USH2A: variants seen among roughly 807,000 people sequenced by gnomAD.
USH2A encodes the protein usherin.
In USH2A, 443 loss-of-function variants were observed where a neutral mutation model predicts 538.9. The ratio of observed to expected loss-of-function variants is 0.82; its 90% CI spans 0.76 to 0.89. The LOEUF (loss-of-function observed/expected upper bound fraction) is 0.89. Ranked by LOEUF, USH2A falls within the 40% of genes least tolerant of loss-of-function variation. USH2A has a pLI of 0.00. For synonymous variants in USH2A, 2,413 were observed against 2,273.5 expected, an observed-to-expected ratio of 1.06 and a Z score of -1.75; for missense variants, 6,633 against 6,324.8, an observed-to-expected ratio of 1.05 and a Z score of -1.65.
Position 215,786,848 on chromosome 1 carries a change from G to T in USH2A, c.10209C>A (p.Cys3403Ter), listed in dbSNP as rs767613433. ...GTTCTGTGGCTTCCATAGATGCTGG[G>T]CAGAGGATCCTGCACTCTTTGGTTT... ...MKETKECRIL[C>*]PASMEATEHC... is the part of the protein sequence containing the mutation. Residue 3403 changes from cysteine to a stop codon, truncating the protein, a stop_gained, in exon 52 of 72, where the codon TGC (cysteine) becomes TGA (stop). Transcript: ENST00000307340. LOFTEE classifies it high-confidence loss of function. 1.2e-6 allele frequency: 2 copies of T among 1,613,908 alleles called. No homozygotes were observed. The highest frequency in any genetic ancestry group is 1.7e-5 in the Admixed American group (1 of 59,964).
chr1:216,027,244 A>G (rs1452044704), intron 32 of USH2A, among the ~76,000 whole-genome samples: 2 of 152,150 alleles, frequency 1.3e-5, no homozygotes, highest in South Asian at 2.1e-4. Flanking sequence ...GAAAATTTGG[A>G]TGGGAATAAA....
chr1:215,978,673 T>G (rs2102464829), intron 35 of USH2A, among the ~76,000 whole-genome samples: 1 of 152,184 alleles, frequency 6.6e-6, no homozygotes, highest in East Asian at 1.9e-4. Flanking sequence ...ACAAATGACA[T>G]AATTAAATAG....
chr1:216,280,860 GTTA>G (rs2036761701), intron 11 of USH2A, among the ~76,000 whole-genome samples: 1 of 152,138 alleles, frequency 6.6e-6, no homozygotes, highest in African/African-American at 2.4e-5. Flanking sequence ...TCATTCCTAA[GTTA>G]TTATAACAAA....
chr1:215,659,367 C>T (rs976897769), intron 64 of USH2A, among the ~76,000 whole-genome samples: 5 of 151,902 alleles, frequency 3.3e-5, no homozygotes, highest in Admixed American at 6.6e-5. Flanking sequence ...GAGTAAGGGC[C>T]GGAAAGCAAT....
At chr1:216,311,890 A>G (rs757851265) in intron 9 of USH2A, among the ~76,000 whole-genome samples, 3 of 152,162 alleles carry the variant, frequency 2.0e-5, no homozygotes, top group Non-Finnish European at 4.4e-5. Context: ...ACATGCTATA[A>G]TAATGAAATA....
chr1:215,965,012 C>A (rs1303954971), intron 37 of USH2A, among the ~76,000 whole-genome samples: 1 of 152,118 alleles, frequency 6.6e-6, no homozygotes, highest in Non-Finnish European at 1.5e-5. Flanking sequence ...CATGTGTCAC[C>A]TAAAGGGTTT....
chr1:216,341,992 A>C (rs2038085336), intron 4 of USH2A, among the ~76,000 whole-genome samples: 1 of 152,198 alleles, frequency 6.6e-6, no homozygotes, highest in South Asian at 2.1e-4. Flanking sequence ...AAAAATTGCC[A>C]AATGGGATCT....
At chr1:215,982,894 T>A (rs1206472334) in intron 35 of USH2A, among the ~76,000 whole-genome samples, 1 of 152,164 alleles carries the variant, frequency 6.6e-6, no homozygotes, top group African/African-American at 2.4e-5. Flanking sequence ...TAACCTAGTC[T>A]GGGTAGGATA....
intron 4 of USH2A, among the ~76,000 whole-genome samples, chr1:216,358,580 G>C (rs895256789): frequency 6.6e-6 from 1 of 151,992 alleles, no homozygotes; most frequent in African/African-American, 2.4e-5. Context: ...ATGGAGCCTG[G>C]CTCATTAGGC....
chr1:215,796,324 T>C (rs1334589925), intron 50 of USH2A, among the ~76,000 whole-genome samples: 2 of 152,202 alleles, frequency 1.3e-5, no homozygotes, highest in Non-Finnish European at 2.9e-5. Context: ...TTGGTGCCAA[T>C]TTTCCAATAG....
rs1337067978 is a variant in USH2A, at chr1:215,639,006, A to AC, written c.15052+148_15052+149insG. 4 of 843,314 alleles carry AC rather than the reference A, an allele frequency of 4.7e-6. No individual in the cohort carries two copies. The African/African-American group carries it at 7.1e-5, about 15-fold the overall frequency. 52.2% of individuals were successfully genotyped at this position (843,314 alleles called of 1,614,324 possible). A position where few individuals can be genotyped will look rare whatever the true frequency, so the allele number is the denominator to read the frequency against. On this transcript the variant is annotated intron_variant, in intron 69 of 71. Transcript: ENST00000307340. ...AAAAAACAACAACAAAAAAAAAACA[A>AC]AAAAAAAAACTCTGACAACACTTGG...
chr1:216,212,538 G>A (rs1020162933), intron 15 of USH2A, among the ~76,000 whole-genome samples: 2 of 152,056 alleles, frequency 1.3e-5, no homozygotes, highest in African/African-American at 4.8e-5. Context: ...GGAACCACCA[G>A]CTTGAATCTC....
At chr1:215,946,284 A>AT (rs1418130945) in intron 37 of USH2A, among the ~76,000 whole-genome samples, 1 of 152,056 alleles carries the variant, frequency 6.6e-6, no homozygotes, top group Admixed American at 6.6e-5. Context: ...ACTACATTTA[A>AT]TTTTTTTCTC....
At chr1:215,766,638 T>C (rs781378593) in intron 56 of USH2A, 43 bp downstream of exon 56, 3 of 1,546,052 alleles carry the variant, frequency 1.9e-6, no homozygotes, top group African/African-American at 1.4e-5. Flanking sequence ...CAAAATGCTA[T>C]GTGAAAATTT....
chr1:215,859,469 G>T (rs1664259421), intron 44 of USH2A, among the ~76,000 whole-genome samples: 1 of 151,096 alleles, frequency 6.6e-6, no homozygotes, highest in Admixed American at 6.6e-5. Flanking sequence ...AGGAGGTGGA[G>T]GTTGCAGTGA....
At chr1:216,188,095 T>G (rs2034643873) in intron 20 of USH2A, among the ~76,000 whole-genome samples, 1 of 151,978 alleles carries the variant, frequency 6.6e-6, no homozygotes, top group Admixed American at 6.6e-5. Flanking sequence ...TTAGTTTTAC[T>G]TCACAATCCT....
In USH2A at chr1:216,161,162, G is replaced by A. The variant is rs761516107; in HGVS notation, c.4627+14090C>T. 2.0e-5 allele frequency among the ~76,000 whole-genome samples: 3 copies of A among 151,834 alleles called. No individual in the cohort carries two copies. In the East Asian group the frequency reaches 5.8e-4, roughly 29 times the overall value. ...TCTGAGAACTTTTATGCTTATTTGG[G>A]TAGACTATTTAGATTTAATGCAACT... On this transcript the variant is annotated intron_variant, in intron 21 of 71. Transcript: ENST00000307340.
At chr1:216,254,866 T>G (rs2102557398) in intron 11 of USH2A, among the ~76,000 whole-genome samples, 1 of 152,312 alleles carries the variant, frequency 6.6e-6, no homozygotes, top group Non-Finnish European at 1.5e-5. Context: ...TACGCAATTT[T>G]TATTGTTTTT....
rs115124040 is a variant in USH2A at position 216,084,429 on chromosome 1, A to C, written c.5167+269T>G. ...TCTAGTTTCCAAACAACTGATTTGC[A>C]AATGGACATTGGTGATGCTAACATA... On this transcript the variant is annotated intron_variant, in intron 25 of 71. Coordinates refer to ENST00000307340, the MANE Select transcript of USH2A (RefSeq NM_206933.4). Among the ~76,000 whole-genome samples, 629 of 152,296 alleles carry C rather than the reference A, an allele frequency of 4.1e-3. 2 individuals carry two copies. The highest frequency in any genetic ancestry group is 6.8e-3 in the Non-Finnish European group (462 of 68,026).
Sources: gnomAD v4.1 joint callset for allele counts (sites outside exome capture counted in the v4.1 genomes callset) on GRCh38, gnomAD v4.1.1 for gene constraint, MANE v1.5 for transcripts, NCBI Gene and HGNC (gene_info 2026-07-23, HGNC 2026-07-21) for gene names.